TESC: variants seen among roughly 807,000 people sequenced by gnomAD.
TESC encodes tescalcin.
Under a neutral mutation model 31.0 loss-of-function variants are expected in TESC, and 19 were observed. The ratio of observed to expected loss-of-function variants is 0.61; its 90% CI spans 0.43 to 0.90. TESC has a LOEUF of 0.90. Among genes scored for constraint, TESC ranks in the 40% least tolerant of loss-of-function variants. The probability of loss-of-function intolerance (pLI) is 0.00; values close to 1 mark genes in which losing one functional copy is unlikely to be tolerated. For missense variants in TESC, 248 were observed against 303.8 expected (o/e 0.82, Z 1.36); for synonymous variants, 109 against 114.8 (o/e 0.95, Z 0.32).
intron 1 of TESC, among the ~76,000 whole-genome samples, chr12:117,090,781 C>A (rs1404254315): frequency 6.6e-6 from 1 of 152,214 alleles, no homozygotes; most frequent in East Asian, 1.9e-4. Flanking sequence ...TGGGTGAGGC[C>A]TGCAAAGTGC....
At chr12:117,056,156 A>C in intron 3 of TESC, among the ~76,000 whole-genome samples, 1 of 151,282 alleles carries the variant, frequency 6.6e-6, no homozygotes, top group Admixed American at 6.6e-5. Flanking sequence ...CCTGACCTCA[A>C]GTGATCTGCC....
At chr12:117,045,171 G>C (rs930426437) in intron 6 of TESC, among the ~76,000 whole-genome samples, 3 of 152,230 alleles carry the variant, frequency 2.0e-5, no homozygotes, top group Non-Finnish European at 4.4e-5. Flanking sequence ...AGTGAAGAAA[G>C]AGGTGGAGAT....
At chr12:117,092,281 C>G (rs1383983420) in intron 1 of TESC, among the ~76,000 whole-genome samples, 1 of 152,170 alleles carries the variant, frequency 6.6e-6, no homozygotes, top group African/African-American at 2.4e-5. Context: ...CAGCACCGAG[C>G]TCAGTGCACA....
rs1315875340 is a variant in TESC at position 117,075,899 on chromosome 12, A to ATGTGTGTGTG, written c.59-560_59-559insCACACACACA. Among the ~76,000 whole-genome samples, 137 of 73,160 alleles carry ATGTGTGTGTG rather than the reference A, an allele frequency of 1.9e-3. 6 individuals carry two copies. The highest frequency in any genetic ancestry group is 9.2e-3 in the African/African-American group (113 of 12,222). 48.0% of individuals were successfully genotyped at this position (73,160 alleles called of 152,430 possible). A position where few individuals can be genotyped will look rare whatever the true frequency, so the allele number is the denominator to read the frequency against. On this transcript the variant is annotated intron_variant, in intron 1 of 7. Transcript: ENST00000335209. ...TGTATATATATATATATATATATATATATATATATATATATGTGTGTGTGT... is the reference window on the plus strand; with the variant it reads ...TGTATATATATATATATATATATATATGTGTGTGTGTATATATATATATATGTGTGTGTGT...
At chr12:117,053,449 G>A (rs556577351) in intron 3 of TESC, among the ~76,000 whole-genome samples, 13 of 152,290 alleles carry the variant, frequency 8.5e-5, no homozygotes, top group Admixed American at 2.6e-4. Flanking sequence ...GTCCAGGATC[G>A]TGAGGCAGAC....
intron 6 of TESC, among the ~76,000 whole-genome samples, chr12:117,042,329 G>A (rs1954496720): frequency 6.6e-6 from 1 of 151,968 alleles, no homozygotes; most frequent in East Asian, 1.9e-4. Flanking sequence ...GTGACATGAG[G>A]GCATGGGGCT....
At chr12:117,093,766 A>C (rs1955348629) in intron 1 of TESC, among the ~76,000 whole-genome samples, 1 of 150,424 alleles carries the variant, frequency 6.6e-6, no homozygotes, top group Non-Finnish European at 1.5e-5. Flanking sequence ...TGAGGTCTGA[A>C]CTCTAGGTCT....
chr12:117,054,252 A>C (rs1954689724), intron 3 of TESC, among the ~76,000 whole-genome samples: 1 of 150,600 alleles, frequency 6.6e-6, no homozygotes, highest in African/African-American at 2.4e-5. Context: ...TCCCATTCCC[A>C]CCCCTACAAC....
At chr12:117,071,658 G>A (rs1295002629) in intron 2 of TESC, among the ~76,000 whole-genome samples, 7 of 152,206 alleles carry the variant, frequency 4.6e-5, no homozygotes, top group African/African-American at 1.7e-4. Context: ...CTTGTGCAAG[G>A]GTGCTACATA....
intron 6 of TESC, among the ~76,000 whole-genome samples, chr12:117,046,139 C>T (rs151188617): frequency 0.014 from 2,098 of 152,330 alleles, 28 homozygotes; most frequent in South Asian, 0.038. Context: ...CCCAATAGGG[C>T]TCCCTGCTGA....
chr12:117,045,861 G>C (rs1053384591), intron 6 of TESC, among the ~76,000 whole-genome samples: 3 of 152,226 alleles, frequency 2.0e-5, no homozygotes, highest in African/African-American at 7.2e-5. Flanking sequence ...TGCCTGAGTG[G>C]TCCCCAGAGG....
intron 6 of TESC, among the ~76,000 whole-genome samples, chr12:117,044,924 GAC>G (rs1250461456): frequency 6.9e-6 from 1 of 145,020 alleles, no homozygotes; most frequent in Non-Finnish European, 1.5e-5. Flanking sequence ...AAGAGAGAGA[GAC>G]AGATCCGCCT....
At position 117,049,085 on chromosome 12, in the gene TESC, A is replaced by C. The variant is rs761081800; in HGVS notation, c.283T>G (p.Phe95Val). The change falls in exon 4 of 8, where the codon TTC becomes GTC. Residue 95 changes from phenylalanine (F) to valine (V), a missense_variant. Phe to Val is a conservative substitution (Grantham distance 50). Transcript: ENST00000335209. ...FEDFLTIMSYFRPIDTTMDEE... is the reference protein window; with the variant it reads ...FEDFLTIMSYVRPIDTTMDEE... Reference sequence around the variant, plus strand: ...TCCATGGTGGTGTCGATGGGCCGGAAGTAGGACATGATGGTCAGGAAGTCC... The same window carrying C: ...TCCATGGTGGTGTCGATGGGCCGGACGTAGGACATGATGGTCAGGAAGTCC... 1 of 1,614,238 alleles carries C rather than the reference A, an allele frequency of 6.2e-7. No homozygotes were observed. Among genetic ancestry groups the C allele is most frequent in the Admixed American group, 1.7e-5 (1 of 60,022 alleles).
intron 2 of TESC, among the ~76,000 whole-genome samples, chr12:117,068,058 AT>A (rs1954911943): frequency 6.6e-6 from 1 of 152,154 alleles, no homozygotes; most frequent in Non-Finnish European, 1.5e-5. Context: ...TGCCCGGCTC[AT>A]TTTTAAATTT....
chr12:117,079,561 C>CA (rs61106379), intron 1 of TESC, among the ~76,000 whole-genome samples: 25,215 of 133,922 alleles, frequency 0.19, 2,287 homozygotes, highest in African/African-American at 0.25. Context: ...GACTCCATCT[C>CA]AAAAAAAAAA....
chr12:117,062,947 CA>C (rs1250710890), intron 2 of TESC, among the ~76,000 whole-genome samples: 1 of 152,160 alleles, frequency 6.6e-6, no homozygotes, highest in Non-Finnish European at 1.5e-5. Flanking sequence ...CAGTGACCAT[CA>C]GGGGTAGCGG....
chr12:117,049,513 C>T (rs1042556918), intron 3 of TESC, among the ~76,000 whole-genome samples: 1 of 152,238 alleles, frequency 6.6e-6, no homozygotes, highest in Non-Finnish European at 1.5e-5. Flanking sequence ...TCACTGAGTA[C>T]ATCTCCTGAT....
chr12:117,065,819 C>T (rs1954870653), intron 2 of TESC, among the ~76,000 whole-genome samples: 1 of 152,090 alleles, frequency 6.6e-6, no homozygotes, highest in African/African-American at 2.4e-5. Context: ...GTGGTTGAGG[C>T]TGCAGTGAGC....
intron 1 of TESC, among the ~76,000 whole-genome samples, chr12:117,083,226 G>T (rs1955172621): frequency 1.3e-5 from 2 of 152,126 alleles, no homozygotes; most frequent in South Asian, 4.1e-4. Flanking sequence ...TGGGTGGCAT[G>T]TGCCACCACG....
Sources: gnomAD v4.1 joint callset for allele counts (sites outside exome capture counted in the v4.1 genomes callset) on GRCh38, gnomAD v4.1.1 for gene constraint, MANE v1.5 for transcripts, NCBI Gene and HGNC (gene_info 2026-07-23, HGNC 2026-07-21) for gene names.